The following BBS9 variants were observed in gnomAD, a reference collection of about 807,000 sequenced individuals.
BBS9 encodes the protein protein PTHB1.
Under a neutral mutation model 117.7 loss-of-function variants are expected in BBS9, and 89 were observed. The observed-to-expected ratio is 0.76, with a 90% CI of 0.64 to 0.90. The LOEUF (loss-of-function observed/expected upper bound fraction) is 0.90, where lower values mean the gene tolerates loss of function less well. BBS9 is among the 40% of genes least tolerant of loss of function. BBS9 has a pLI of 0.00. For missense variants in BBS9, 982 were observed against 1,042.2 expected (o/e 0.94, Z 0.80); for synonymous variants, 379 against 370.9 (o/e 1.02, Z -0.25).
chr7:33,191,698 G>A (rs1398526009), intron 5 of BBS9, among the ~76,000 whole-genome samples: 2 of 152,174 alleles, frequency 1.3e-5, no homozygotes, highest in Admixed American at 6.5e-5. Flanking sequence ...TTGAGGATTT[G>A]TTGTAATTGA....
chr7:33,612,056 G>A (rs545700328), intron 21 of BBS9, among the ~76,000 whole-genome samples: 45 of 151,178 alleles, frequency 3.0e-4, no homozygotes, highest in African/African-American at 9.7e-4. Flanking sequence ...ATCTTCTATT[G>A]TGTAGAAATA....
intron 5 of BBS9, among the ~76,000 whole-genome samples, chr7:33,221,258 GATC>G (rs1790191715): frequency 6.6e-6 from 1 of 152,112 alleles, no homozygotes; most frequent in Non-Finnish European, 1.5e-5. Context: ...TGAGATCAGA[GATC>G]ATATTTTATT....
chr7:33,581,124 G>A (rs1418813167), intron 21 of BBS9, among the ~76,000 whole-genome samples: 2 of 151,924 alleles, frequency 1.3e-5, no homozygotes, highest in Non-Finnish European at 2.9e-5. Flanking sequence ...GAGGAAGAGA[G>A]TGAGAAGAAT....
At chr7:33,620,360 C>A (rs572038901) in intron 21 of BBS9, among the ~76,000 whole-genome samples, 4 of 151,742 alleles carry the variant, frequency 2.6e-5, no homozygotes, top group Non-Finnish European at 5.9e-5. Flanking sequence ...GTTAAATAAA[C>A]CCTTAAGACT....
chr7:33,232,591 A>G (rs544720162), intron 5 of BBS9, among the ~76,000 whole-genome samples: 149 of 152,212 alleles, frequency 9.8e-4, no homozygotes, highest in African/African-American at 3.4e-3. Flanking sequence ...TCTGAATTGT[A>G]TAAATAATTG....
chr7:33,228,887 G>A (rs980665431), intron 5 of BBS9, among the ~76,000 whole-genome samples: 8 of 152,042 alleles, frequency 5.3e-5, no homozygotes, highest in Admixed American at 1.3e-4. Context: ...GAAACTCCAC[G>A]TATAAGGGGA....
At chr7:33,391,972 T>C (rs1343150921) in intron 19 of BBS9, among the ~76,000 whole-genome samples, 1 of 152,200 alleles carries the variant, frequency 6.6e-6, no homozygotes, top group African/African-American at 2.4e-5. Flanking sequence ...ATGCCAAGAG[T>C]ATATGAATAT....
At chr7:33,226,729 TATGCCATA>T (rs1332127557) in intron 5 of BBS9, among the ~76,000 whole-genome samples, 1 of 152,218 alleles carries the variant, frequency 6.6e-6, no homozygotes, top group Admixed American at 6.5e-5. Flanking sequence ...AGTACTGATA[TATGCCATA>T]ACATGGATGA....
chr7:33,475,589 T>C (rs1413994732), intron 19 of BBS9, among the ~76,000 whole-genome samples: 1 of 151,652 alleles, frequency 6.6e-6, no homozygotes, highest in Admixed American at 6.6e-5. Context: ...ACCCTGCCTC[T>C]CCTCTAGTAT....
At chr7:33,620,466 A>G (rs917691633) in intron 21 of BBS9, among the ~76,000 whole-genome samples, 1 of 152,044 alleles carries the variant, frequency 6.6e-6, no homozygotes, top group Non-Finnish European at 1.5e-5. Context: ...CTAACAAGAA[A>G]CTACCTGAAA....
intron 19 of BBS9, among the ~76,000 whole-genome samples, chr7:33,453,689 T>C (rs1410460247): frequency 1.3e-5 from 2 of 151,980 alleles, no homozygotes; most frequent in African/African-American, 4.8e-5. Flanking sequence ...GCCCGGCTAA[T>C]TTTGTATGTT....
At chr7:33,287,477 T>C (rs1022590566) in intron 9 of BBS9, among the ~76,000 whole-genome samples, 1 of 152,190 alleles carries the variant, frequency 6.6e-6, no homozygotes, top group Non-Finnish European at 1.5e-5. Context: ...TAAGTCATTT[T>C]TGGAATTCTA....
intron 16 of BBS9, 146 bp from the exon 17 acceptor site, chr7:33,367,621 C>G (rs1023949516): frequency 1.4e-6 from 1 of 708,728 alleles, no homozygotes; most frequent in East Asian, 2.7e-5. Context: ...CTATGGAAAT[C>G]AAGGTGAATA....
In BBS9 at chr7:33,349,123, A is replaced by T; in HGVS notation, c.1385A>T (p.Gln462Leu). Residue 462 changes from glutamine to leucine, a missense_variant, in exon 13 of 23, where the codon CAA becomes CTA. Physicochemically the swap from Gln to Leu is moderately radical, Grantham distance 113. Transcript: ENST00000242067. ...LQKAKLSVYV[Q>L]PPLELTCDQF... Reference sequence around the variant, plus strand: ...AAAGCCAAATTATCAGTCTACGTGCAACCACCATTAGAATTGACTTGTGAT... The same window carrying T: ...AAAGCCAAATTATCAGTCTACGTGCTACCACCATTAGAATTGACTTGTGAT... The T allele has an allele frequency of 2.5e-6, 4 of 1,613,572 alleles. No individual in the cohort carries two copies. The highest frequency in any genetic ancestry group is 3.4e-6 in the Non-Finnish European group (4 of 1,179,632).
chr7:33,351,094 G>T, intron 13 of BBS9, 125 bp from the exon 14 acceptor site: 2 of 651,208 alleles, frequency 3.1e-6, no homozygotes, highest in Non-Finnish European at 5.6e-6. Flanking sequence ...AAGATTTAAA[G>T]AGTTACTTCA....
intron 9 of BBS9, among the ~76,000 whole-genome samples, chr7:33,329,436 A>G (rs1430308931): frequency 6.6e-6 from 1 of 152,200 alleles, no homozygotes; most frequent in Non-Finnish European, 1.5e-5. Flanking sequence ...TTTTATACAT[A>G]TATATTTATA....
At chr7:33,536,786 G>T (rs911982404) in intron 21 of BBS9, among the ~76,000 whole-genome samples, 5 of 125,442 alleles carry the variant, frequency 4.0e-5, no homozygotes, top group African/African-American at 1.8e-4. Flanking sequence ...TCTTTGCTAT[G>T]AGAAATATAT....
chr7:33,357,948 C>A lies in BBS9; in HGVS notation c.1646C>A (p.Thr549Asn). 4 of 1,612,578 alleles carry A rather than the reference C, an allele frequency of 2.5e-6. No homozygotes were observed. Among genetic ancestry groups the A allele is most frequent in the Non-Finnish European group, 3.4e-6 (4 of 1,178,922 alleles). The change falls in exon 16 of 23, where the codon ACT (threonine) becomes AAT (asparagine). Residue 549 changes from threonine to asparagine, a missense_variant. Coordinates refer to ENST00000242067, the MANE Select transcript of BBS9 (RefSeq NM_198428.3). ...TCAAAAACTGCAAGCCACAAAATTA[C>A]TATTGATACCAACAAATCTCCAGTC... is the stretch of plus-strand genomic sequence containing the variant. ...QPSKTASHKI[T>N]IDTNKSPVSL...
intron 16 of BBS9, among the ~76,000 whole-genome samples, chr7:33,360,131 G>A (rs1820350212): frequency 1.3e-5 from 2 of 151,894 alleles, no homozygotes; most frequent in South Asian, 4.1e-4. Context: ...CATTTGACCA[G>A]CATTATACTT....
Sources: gnomAD v4.1 joint callset for allele counts (sites outside exome capture counted in the v4.1 genomes callset) on GRCh38, gnomAD v4.1.1 for gene constraint, MANE v1.5 for transcripts, NCBI Gene and HGNC (gene_info 2026-07-23, HGNC 2026-07-21) for gene names.